HLA-DMA: variants seen among roughly 807,000 people sequenced by gnomAD.
HLA-DMA encodes the protein major histocompatibility complex, class II, DM alpha, also known as HLA class II histocompatibility antigen, DM alpha chain.
In HLA-DMA, 20 loss-of-function variants were observed where a neutral mutation model predicts 27.3. The observed-to-expected ratio is 0.73, with a 90% confidence interval of 0.52 to 1.07. The LOEUF is 1.07. HLA-DMA is among the 50% of genes least tolerant of loss of function. The pLI, the probability that HLA-DMA is intolerant of heterozygous loss-of-function variation, is 0.00. For missense variants in HLA-DMA, 241 were observed against 321.7 expected (o/e 0.75, Z 1.92); for synonymous variants, 111 against 126.8 (o/e 0.88, Z 0.83).
Position 32,949,592 on chromosome 6 carries a change from T to C in HLA-DMA, c.652+19A>G. 6.2e-7 allele frequency: 1 copy of C among 1,611,982 alleles called. No homozygotes were observed. ...TTTTTGCCCCCAAAAGGACCAGAATTCCAGGGAGAAAGCCTCACCCCAATA... is the reference window on the plus strand; with the variant it reads ...TTTTTGCCCCCAAAAGGACCAGAATCCCAGGGAGAAAGCCTCACCCCAATA... On this transcript the variant is annotated intron_variant, in intron 3 of 4. Transcript: ENST00000374843. The surrounding 1 kb of genome is among the most constrained non-coding windows in gnomAD (Gnocchi z 5.8).
Position 32,950,304 on chromosome 6 carries a change from T to C in HLA-DMA, c.373+215A>G, listed in dbSNP as rs1393210343. 6.3e-6 allele frequency: 4 copies of C among 632,308 alleles called. No individual in the cohort carries two copies. The highest frequency in any genetic ancestry group is 1.1e-5 in the Non-Finnish European group (4 of 357,876). The allele number at this position is 632,308 out of a possible 1,614,324, so 39.2% of individuals were successfully genotyped here. ...GTTGGTACCTGTTGAATTCATCACATTCAATACATAGTTCTGAATGCCTAC... is the reference window on the plus strand; with the variant it reads ...GTTGGTACCTGTTGAATTCATCACACTCAATACATAGTTCTGAATGCCTAC... On this transcript the variant is annotated intron_variant, in intron 2 of 4. Transcript: ENST00000374843. This position sits in a 1 kb window ranked among gnomAD's most constrained non-coding sequence, Gnocchi z 5.0.
Position 32,950,643 on chromosome 6 carries a change from G to T in HLA-DMA, c.249C>A (p.Pro83=). 1 of 1,613,050 alleles carries T rather than the reference G, an allele frequency of 6.2e-7. No individual in the cohort carries two copies. The highest frequency in any genetic ancestry group is 8.5e-7 in the Non-Finnish European group (1 of 1,180,016). Residue 83 remains proline, a synonymous_variant, in exon 2 of 5, where the codon CCC becomes CCA. Coordinates refer to ENST00000374843, the MANE Select transcript of HLA-DMA (RefSeq NM_006120.4). The surrounding 1 kb of genome is among the most constrained non-coding windows in gnomAD (Gnocchi z 5.0). ...GTTCCTGAGCCCAGTCAGCAAATTCGGGCAGGCGAGGCACCCGAGTGTTCT... is the reference window on the plus strand; with the variant it reads ...GTTCCTGAGCCCAGTCAGCAAATTCTGGCAGGCGAGGCACCCGAGTGTTCT... ...FSQNTRVPRL[P]EFADWAQEQG...
At position 32,949,413 on chromosome 6, in the gene HLA-DMA, G is replaced by A; in HGVS notation, c.653-14C>T. ...CGTTCCGGGGTACTGGAGGAAATGA[G>A]TGGCTCAGCCTGGGGACCTAGTTAG... On this transcript the variant is annotated splice_polypyrimidine_tract_variant and intron_variant, in intron 3 of 4. Transcript: ENST00000374843. This position sits in a 1 kb window ranked among gnomAD's most constrained non-coding sequence, Gnocchi z 5.8. 1 of 1,613,532 alleles carries A rather than the reference G, an allele frequency of 6.2e-7. No individual in the cohort carries two copies. The highest frequency in any genetic ancestry group is 8.5e-7 in the Non-Finnish European group (1 of 1,179,686).
At chr6:32,948,992 T>G in intron 4 of HLA-DMA, 124 bp from the exon 5 acceptor site, 1 of 1,148,690 alleles carries the variant, frequency 8.7e-7, no homozygotes, top group Non-Finnish European at 1.2e-6. Flanking sequence ...CAGAAGTTGA[T>G]CTCTCCTTGT....
chr6:32,950,140 T>C lies in HLA-DMA; in HGVS notation c.374-251A>G. On this transcript the variant is annotated intron_variant, in intron 2 of 4. Coordinates refer to ENST00000374843, the MANE Select transcript of HLA-DMA (RefSeq NM_006120.4). The surrounding 1 kb of genome is among the most constrained non-coding windows in gnomAD (Gnocchi z 5.0). The stretch of plus-strand genomic sequence containing the variant: ...CCTCCACCATGACTTCCTTCAGCAC[T>C]TCCTGTCTAGAGCTCACATTGATGT... 1.7e-6 allele frequency: 1 copy of C among 597,154 alleles called. No homozygotes were observed. The highest frequency in any genetic ancestry group is 3.0e-6 in the Non-Finnish European group (1 of 337,058). The allele number at this position is 597,154 out of a possible 1,614,324, so 37.0% of individuals were successfully genotyped here. A position where few individuals can be genotyped will look rare whatever the true frequency, so the allele number is the denominator to read the frequency against.
At position 32,950,498 on chromosome 6, in the gene HLA-DMA, A is replaced by G. The variant is rs1196898181; in HGVS notation, c.373+21T>C. ...AGGTTAATGCAGCCCTCCTCCCTTC[A>G]CTCCCCAGAAAACTCCTGACCTCTG... On this transcript the variant is annotated intron_variant, in intron 2 of 4. Transcript: ENST00000374843. The surrounding 1 kb of genome is among the most constrained non-coding windows in gnomAD (Gnocchi z 5.0). The G allele has an allele frequency of 6.2e-7, 1 of 1,611,524 alleles. No individual in the cohort carries two copies. The highest frequency in any genetic ancestry group is 2.2e-5 in the East Asian group (1 of 44,860).
Position 32,949,942 on chromosome 6 carries a change from C to T in HLA-DMA, c.374-53G>A. On this transcript the variant is annotated intron_variant, in intron 2 of 4. Transcript: ENST00000374843. This position sits in a 1 kb window ranked among gnomAD's most constrained non-coding sequence, Gnocchi z 5.8. ...AAAAAGAGACTAGTTTAGATGGTAT[C>T]TCTGTGTTTGGAGGGGCCATGGCAT... 1 of 1,582,132 alleles carries T rather than the reference C, an allele frequency of 6.3e-7. No individual in the cohort carries two copies. Among genetic ancestry groups the T allele is most frequent in the Non-Finnish European group, 8.6e-7 (1 of 1,158,958 alleles).
rs747596731 is a variant in HLA-DMA at position 32,950,643 on chromosome 6, G to C, written c.249C>G (p.Pro83=). 1 of 1,613,050 alleles carries C rather than the reference G, an allele frequency of 6.2e-7. No individual in the cohort carries two copies. The highest frequency in any genetic ancestry group is 8.5e-7 in the Non-Finnish European group (1 of 1,180,016). Residue 83 remains proline, a synonymous_variant, in exon 2 of 5, where the codon CCC becomes CCG. Coordinates refer to ENST00000374843, the MANE Select transcript of HLA-DMA (RefSeq NM_006120.4). The surrounding 1 kb of genome is among the most constrained non-coding windows in gnomAD (Gnocchi z 5.0). ...GTTCCTGAGCCCAGTCAGCAAATTC[G>C]GGCAGGCGAGGCACCCGAGTGTTCT... The part of the protein sequence containing the change: ...FSQNTRVPRL[P]EFADWAQEQG...
chr6:32,948,969 G>T, intron 4 of HLA-DMA, 101 bp from the exon 5 acceptor site: 1 of 1,338,906 alleles, frequency 7.5e-7, no homozygotes, highest in Non-Finnish European at 1.0e-6. Flanking sequence ...CGCCCTGCCT[G>T]CACCACACCC....
Position 32,950,655 on chromosome 6 carries a change from C to T in HLA-DMA, c.237G>A (p.Val79=), listed in dbSNP as rs766109782. 13 of 1,612,960 alleles carry T rather than the reference C, an allele frequency of 8.1e-6. No individual in the cohort carries two copies. The highest frequency in any genetic ancestry group is 3.3e-5 in the Admixed American group (2 of 60,006). ...AGTCAGCAAATTCGGGCAGGCGAGG[C>T]ACCCGAGTGTTCTGGGAAAAGTCGA... The part of the protein sequence containing the change: ...FFFDFSQNTR[V]PRLPEFADWA... Residue 79 remains valine, a synonymous_variant, in exon 2 of 5, where the codon GTG becomes GTA. Transcript: ENST00000374843. This position sits in a 1 kb window ranked among gnomAD's most constrained non-coding sequence, Gnocchi z 5.0.
In HLA-DMA at chr6:32,948,865, C is replaced by T; in HGVS notation, c.785G>A (p.Ter262=). 6.2e-7 allele frequency: 1 copy of T among 1,613,930 alleles called. No homozygotes were observed. Among genetic ancestry groups the T allele is most frequent in the Non-Finnish European group, 8.5e-7 (1 of 1,179,950 alleles). Residue 262 remains the stop codon, a stop_retained_variant, in exon 5 of 5, where the codon TGA becomes TAA. Transcript: ENST00000374843. ...IYFRKPCSGD[*] is the part of the protein sequence containing the mutation. ...GCATCAAACTCTGGTCTGGAAGAAT[C>T]AGTCTGGGGGAGAGACAGGGATGGA... is the stretch of plus-strand genomic sequence containing the variant.
rs1294477293 is a variant in HLA-DMA at position 32,949,515 on chromosome 6, G to T, written c.652+96C>A. The T allele has an allele frequency of 3.8e-6, 6 of 1,589,372 alleles. No homozygotes were observed. In the Admixed American group the frequency reaches 1.0e-4, roughly 27 times the overall value. On this transcript the variant is annotated intron_variant, in intron 3 of 4. Coordinates refer to ENST00000374843, the MANE Select transcript of HLA-DMA (RefSeq NM_006120.4). The surrounding 1 kb of genome is among the most constrained non-coding windows in gnomAD (Gnocchi z 5.8). ...CTGGGATGGGCTTAGGGTAGGAATGGACTAAACAAGGTACCAGTGGAGAAA... is the reference window on the plus strand; with the variant it reads ...CTGGGATGGGCTTAGGGTAGGAATGTACTAAACAAGGTACCAGTGGAGAAA...
intron 1 of HLA-DMA, among the ~76,000 whole-genome samples, chr6:32,952,684 T>C (rs1010275851): frequency 4.6e-5 from 7 of 152,242 alleles, no homozygotes; most frequent in African/African-American, 1.7e-4. Context: ...TGGTGTGAAC[T>C]TGCACAAATA....
Position 32,950,733 on chromosome 6 carries a change from C to T in HLA-DMA, c.159G>A (p.Gly53=), listed in dbSNP as rs777499959. ...TFLHTVYCQD[G]SPSVGLSEAY... is the part of the protein sequence containing the mutation. ...CCTCAGAGAGTCCCACACTGGGACTCCCATCCTGGCAGTACACTGTGTGCA... is the reference window on the plus strand; with the variant it reads ...CCTCAGAGAGTCCCACACTGGGACTTCCATCCTGGCAGTACACTGTGTGCA... Residue 53 remains glycine, a synonymous_variant, in exon 2 of 5, where the codon GGG becomes GGA. Transcript: ENST00000374843. The surrounding 1 kb of genome is among the most constrained non-coding windows in gnomAD (Gnocchi z 5.0). The T allele has an allele frequency of 9.9e-6, 16 of 1,612,876 alleles. No individual in the cohort carries two copies. The African/African-American group carries it at 1.2e-4, about 12-fold the overall frequency.
At position 32,950,786 on chromosome 6, in the gene HLA-DMA, G is replaced by C. The variant is rs137923710; in HGVS notation, c.106C>G (p.Pro36Ala). The change falls in exon 2 of 5, where the codon CCA (proline) becomes GCA (alanine). Residue 36 changes from proline (P) to alanine (A), a missense_variant. Transcript: ENST00000374843. This position sits in a 1 kb window ranked among gnomAD's most constrained non-coding sequence, Gnocchi z 5.0. ...AATGTGTGGTTTTGCAGGTCATCTG[G>C]CCACATTGGAGTAGGAGCTGCAAAG... The part of the protein sequence containing the change: ...AVPEAPTPMW[P>A]DDLQNHTFLH... 4 of 1,611,904 alleles carry C rather than the reference G, an allele frequency of 2.5e-6. No individual in the cohort carries two copies. In the African/African-American group the frequency reaches 5.3e-5, roughly 22 times the overall value.
chr6:32,953,056 G>C lies in HLA-DMA; in HGVS notation c.-20C>G, dbSNP rs113161439. On this transcript the variant is annotated 5_prime_UTR_variant, in exon 1 of 5. Transcript: ENST00000374843. ...ACCCATACCTTCTTGCCACACAGTA[G>C]GTAGGAGCTACCAACCCAGCCAACC... 2.9e-5 allele frequency: 47 copies of C among 1,601,530 alleles called. No individual in the cohort carries two copies. The African/African-American group carries it at 4.4e-4, about 15-fold the overall frequency.
In HLA-DMA at chr6:32,949,819, A is replaced by G; in HGVS notation, c.444T>C (p.Phe148=). The G allele has an allele frequency of 6.2e-7, 1 of 1,613,130 alleles. No homozygotes were observed. Among genetic ancestry groups the G allele is most frequent in the Middle Eastern group, 1.6e-4 (1 of 6,062 alleles). ...GCATGGGTGGGAAGAGATTACTGAC[A>G]AAACAGACCAAAGTGTTGGGCTTGC... The part of the protein sequence containing the change: ...EFGKPNTLVC[F]VSNLFPPMLT... The change falls in exon 3 of 5, where the codon TTT becomes TTC. Residue 148 remains phenylalanine, a synonymous_variant. Transcript: ENST00000374843. The surrounding 1 kb of genome is among the most constrained non-coding windows in gnomAD (Gnocchi z 5.8).
At position 32,952,453 on chromosome 6, in the gene HLA-DMA, G is replaced by A. The variant is rs144900588; in HGVS notation, c.88+496C>T. ...GCTCTTGGCAGGAATCGCTCAGCCA[G>A]CAGGAAACCTTTAACCCAATACCCA... is the stretch of plus-strand genomic sequence containing the variant. On this transcript the variant is annotated intron_variant, in intron 1 of 4. Coordinates refer to ENST00000374843, the MANE Select transcript of HLA-DMA (RefSeq NM_006120.4). 4.4e-3 allele frequency: 2,055 copies of A among 471,728 alleles called. 9 individuals carry two copies. The highest frequency in any genetic ancestry group is 6.6e-3 in the Non-Finnish European group (1,502 of 227,340). 29.2% of individuals were successfully genotyped at this position (471,728 alleles called of 1,614,324 possible).
Position 32,949,604 on chromosome 6 carries a change from G to A in HLA-DMA, c.652+7C>T, listed in dbSNP as rs982842594. 6.2e-7 allele frequency: 1 copy of A among 1,612,624 alleles called. No individual in the cohort carries two copies. Among genetic ancestry groups the A allele is most frequent in the Admixed American group, 1.7e-5 (1 of 60,014 alleles). On this transcript the variant is annotated splice_region_variant and intron_variant, in intron 3 of 4. Coordinates refer to ENST00000374843, the MANE Select transcript of HLA-DMA (RefSeq NM_006120.4). This position sits in a 1 kb window ranked among gnomAD's most constrained non-coding sequence, Gnocchi z 5.8. ...AAAGGACCAGAATTCCAGGGAGAAA[G>A]CCTCACCCCAATAGGCAATTGCTGT...
Sources: gnomAD v4.1 joint callset for allele counts (sites outside exome capture counted in the v4.1 genomes callset) on GRCh38, gnomAD v4.1.1 for gene constraint, Gnocchi (gnomAD v3.1) non-coding constraint, MANE v1.5 for transcripts, NCBI Gene and HGNC (gene_info 2026-07-23, HGNC 2026-07-21) for gene names.